AGAP1: variants seen among roughly 807,000 people sequenced by gnomAD.
The protein encoded by AGAP1 is ArfGAP with GTPase domain, ankyrin repeat and PH domain 1, also known as arf-GAP with GTPase, ANK repeat and PH domain-containing protein 1.
A neutral mutation model predicts 105.3 loss-of-function variants in AGAP1; 29 were observed. The ratio of observed to expected loss-of-function variants is 0.28; its 90% CI spans 0.21 to 0.38. The LOEUF is 0.38. Among genes scored for constraint, AGAP1 ranks in the 10% least tolerant of loss-of-function variants. The pLI, the probability that AGAP1 is intolerant of heterozygous loss-of-function variation, is 1.00. For missense variants in AGAP1, 998 were observed against 1,165.1 expected (o/e 0.86, Z 2.09); for synonymous variants, 509 against 485.9 (o/e 1.05, Z -0.63).
chr2:235,688,400 C>G (rs1949570803), intron 1 of AGAP1, among the ~76,000 whole-genome samples: 1 of 152,076 alleles, frequency 6.6e-6, no homozygotes, highest in South Asian at 2.1e-4. Flanking sequence ...TTTTTTCATT[C>G]TCTCTGGAAG....
In AGAP1 at chr2:236,035,020, C is replaced by T. The variant is rs948677272; in HGVS notation, c.1646-1541C>T. Among the ~76,000 whole-genome samples, 4 of 152,236 alleles carry T rather than the reference C, an allele frequency of 2.6e-5. No individual in the cohort carries two copies. Among genetic ancestry groups the T allele is most frequent in the South Asian group, 2.1e-4 (1 of 4,830 alleles). On this transcript the variant is annotated intron_variant, in intron 13 of 17. Coordinates refer to ENST00000304032, the MANE Select transcript of AGAP1 (RefSeq NM_001037131.3). The surrounding 1 kb of genome is among the most constrained non-coding windows in gnomAD (Gnocchi z 4.2). ...TGGGGAAAGGGTGAGTGGGGTGGCA[C>T]GTCCTCACGTCCCAGGCTGCAGGCG...
In AGAP1 at chr2:235,983,121, T is replaced by C. The variant is rs1288644815; in HGVS notation, c.1645+14498T>C. Among the ~76,000 whole-genome samples the C allele has an allele frequency of 6.6e-6, 1 of 152,148 alleles. No homozygotes were observed. Among genetic ancestry groups the C allele is most frequent in the Non-Finnish European group, 1.5e-5 (1 of 68,028 alleles). ...CCATTTGCTGAGCAGGAAGCTGGCC[T>C]CAGGGGTCTCCCAGGATGCTGGGGC... is the stretch of plus-strand genomic sequence containing the variant. On this transcript the variant is annotated intron_variant, in intron 13 of 17. Transcript: ENST00000304032. The surrounding 1 kb of genome is among the most constrained non-coding windows in gnomAD (Gnocchi z 4.5).
Position 236,040,770 on chromosome 2 carries a change from G to A in AGAP1, c.1820G>A (p.Ser607Asn), listed in dbSNP as rs1186034056. The stretch of plus-strand genomic sequence containing the variant: ...GCCCAGTCCCGGCTGACGAGCCAGA[G>A]CGAGGCCATGGCCCTGCAGTCGATC... Reference protein sequence around the residue: ...SKNKSRLTSQSEAMALQSIRN... With the variant: ...SKNKSRLTSQNEAMALQSIRN... The change falls in exon 15 of 18, where the codon AGC becomes AAC. Residue 607 changes from serine to asparagine, a missense_variant. By Grantham distance (46) the Ser-to-Asn change is conservative. Coordinates refer to ENST00000304032, the MANE Select transcript of AGAP1 (RefSeq NM_001037131.3). The surrounding 1 kb of genome is among the most constrained non-coding windows in gnomAD (Gnocchi z 5.6). 3.1e-6 allele frequency: 5 copies of A among 1,613,548 alleles called. No homozygotes were observed. Among genetic ancestry groups the A allele is most frequent in the Non-Finnish European group, 3.4e-6 (4 of 1,180,028 alleles).
In AGAP1 at chr2:235,550,379, C is replaced by T. The variant is rs1452310285; in HGVS notation, c.163+55530C>T. The stretch of plus-strand genomic sequence containing the variant: ...CTCTTCATAAAATCACTGCCAGTGA[C>T]TTCTCATAGCTGTTCGTCATTGGGA... On this transcript the variant is annotated intron_variant, in intron 1 of 17. Coordinates refer to ENST00000304032, the MANE Select transcript of AGAP1 (RefSeq NM_001037131.3). This position sits in a 1 kb window ranked among gnomAD's most constrained non-coding sequence, Gnocchi z 4.6. 1.3e-5 allele frequency among the ~76,000 whole-genome samples: 2 copies of T among 152,238 alleles called. No individual in the cohort carries two copies. Among genetic ancestry groups the T allele is most frequent in the African/African-American group, 4.8e-5 (2 of 41,462 alleles).
In AGAP1 at chr2:236,125,347, G is replaced by T. The variant is rs1187823283; in HGVS notation, c.*1225G>T. On this transcript the variant is annotated 3_prime_UTR_variant, in exon 18 of 18. Coordinates refer to ENST00000304032, the MANE Select transcript of AGAP1 (RefSeq NM_001037131.3). This position sits in a 1 kb window ranked among gnomAD's most constrained non-coding sequence, Gnocchi z 5.2. ...ATGTGCAACTAGTTGAGATAAGAGG[G>T]TTACAGATCATTGTACATGGAAAAT... The T allele has an allele frequency of 2.0e-5, 3 of 152,598 alleles. No homozygotes were observed. In the East Asian group the frequency reaches 5.8e-4, roughly 29 times the overall value. The allele number at this position is 152,598 out of a possible 1,614,324, so 9.5% of individuals were successfully genotyped here.
rs899219390 is a variant in AGAP1 at position 235,689,713 on chromosome 2, G to A, written c.164-19466G>A. 6.6e-5 allele frequency among the ~76,000 whole-genome samples: 10 copies of A among 152,216 alleles called. No homozygotes were observed. The highest frequency in any genetic ancestry group is 2.4e-4 in the African/African-American group (10 of 41,460). The stretch of plus-strand genomic sequence containing the variant: ...ACTCATTTGAGAGTTCCACTTTTCA[G>A]GACAGTCATAGAGCTGCACTGTTGG... On this transcript the variant is annotated intron_variant, in intron 1 of 17. Coordinates refer to ENST00000304032, the MANE Select transcript of AGAP1 (RefSeq NM_001037131.3). This position sits in a 1 kb window ranked among gnomAD's most constrained non-coding sequence, Gnocchi z 4.2.
intron 1 of AGAP1, among the ~76,000 whole-genome samples, chr2:235,544,397 TC>T (rs1157669674): frequency 6.6e-6 from 1 of 152,190 alleles, no homozygotes; most frequent in Non-Finnish European, 1.5e-5. Context: ...TGTAGGAGTT[TC>T]CTACCATGTA....
chr2:235,775,525 TTGCTC>T (rs1237655014), intron 6 of AGAP1: 12 of 152,236 alleles, frequency 7.9e-5, no homozygotes, highest in Admixed American at 7.8e-4. Context: ...TAAATGTACT[TTGCTC>T]TGTTATTGTC....
At chr2:235,942,098 CTCA>C (rs1353310165) in intron 12 of AGAP1, among the ~76,000 whole-genome samples, 1 of 152,162 alleles carries the variant, frequency 6.6e-6, no homozygotes, top group Non-Finnish European at 1.5e-5. Flanking sequence ...CATGACTGCT[CTCA>C]TCATTTCCTA....
intron 16 of AGAP1, among the ~76,000 whole-genome samples, chr2:236,112,122 A>G (rs2059661181): frequency 6.6e-6 from 1 of 152,124 alleles, no homozygotes; most frequent in Admixed American, 6.5e-5. Flanking sequence ...ATTGAAATAA[A>G]AGCTCTCTGG....
rs566768637 is a variant in AGAP1 at position 236,009,295 on chromosome 2, C to T, written c.1646-27266C>T. On this transcript the variant is annotated intron_variant, in intron 13 of 17. Coordinates refer to ENST00000304032, the MANE Select transcript of AGAP1 (RefSeq NM_001037131.3). The surrounding 1 kb of genome is among the most constrained non-coding windows in gnomAD (Gnocchi z 4.2). The stretch of plus-strand genomic sequence containing the variant: ...CCAATCTCTAACCTCACAATGAAAT[C>T]GCCACGGACAAAAGATCACGGGATA... Among the ~76,000 whole-genome samples, 63 of 152,172 alleles carry T rather than the reference C, an allele frequency of 4.1e-4. No homozygotes were observed. Among genetic ancestry groups the T allele is most frequent in the Non-Finnish European group, 8.1e-4 (55 of 68,044 alleles).
chr2:235,793,955 TTTA>T lies in AGAP1; in HGVS notation c.674-3798_674-3796del, dbSNP rs1309479766. Among the ~76,000 whole-genome samples, 1 of 152,218 alleles carries T rather than the reference TTTA, an allele frequency of 6.6e-6. No individual in the cohort carries two copies. The highest frequency in any genetic ancestry group is 2.4e-5 in the African/African-American group (1 of 41,450). Reference sequence around the variant, plus strand: ...TTTTGTTAAGTTCTTAAACTTTTTTTTTATTATTGAAGAATGGAAACATACATG... The same window carrying T: ...TTTTGTTAAGTTCTTAAACTTTTTTTTTATTGAAGAATGGAAACATACATG... On this transcript the variant is annotated intron_variant, in intron 6 of 17. Transcript: ENST00000304032. The surrounding 1 kb of genome is among the most constrained non-coding windows in gnomAD (Gnocchi z 5.3).
intron 1 of AGAP1, among the ~76,000 whole-genome samples, chr2:235,673,633 A>G (rs1249527825): frequency 6.6e-6 from 1 of 152,232 alleles, no homozygotes; most frequent in Non-Finnish European, 1.5e-5. Flanking sequence ...GCCATTTATG[A>G]AAAGAAGTTC....
intron 9 of AGAP1, among the ~76,000 whole-genome samples, chr2:235,881,343 G>A (rs1189491931): frequency 2.0e-5 from 3 of 152,308 alleles, no homozygotes; most frequent in South Asian, 2.1e-4. Context: ...AAGGTGACTC[G>A]TGGGGCATCT....
In AGAP1 at chr2:236,058,459, A is replaced by G. The variant is rs540037944; in HGVS notation, c.2114+9178A>G. 6.6e-6 allele frequency among the ~76,000 whole-genome samples: 1 copy of G among 152,246 alleles called. No homozygotes were observed. Among genetic ancestry groups the G allele is most frequent in the Non-Finnish European group, 1.5e-5 (1 of 68,046 alleles). On this transcript the variant is annotated intron_variant, in intron 16 of 17. Transcript: ENST00000304032. The surrounding 1 kb of genome is among the most constrained non-coding windows in gnomAD (Gnocchi z 4.6). ...TCAATGTGATATACCACATTAATACAGTAAAGAGAGAAGAAAACATAATCT... is the reference window on the plus strand; with the variant it reads ...TCAATGTGATATACCACATTAATACGGTAAAGAGAGAAGAAAACATAATCT...
intron 12 of AGAP1, among the ~76,000 whole-genome samples, chr2:235,940,052 A>C (rs1031504604): frequency 6.6e-6 from 1 of 152,174 alleles, no homozygotes; most frequent in Non-Finnish European, 1.5e-5. Flanking sequence ...GCTTTCATCC[A>C]GAGCGTCTGT....
chr2:235,670,174 A>G (rs1245049771), intron 1 of AGAP1: 2 of 584,042 alleles, frequency 3.4e-6, no homozygotes, highest in Admixed American at 2.6e-5. Context: ...CGCCCCCCAG[A>G]AAGACTGTCT....
In AGAP1 at chr2:236,001,976, A is replaced by T. The variant is rs977258289; in HGVS notation, c.1645+33353A>T. On this transcript the variant is annotated intron_variant, in intron 13 of 17. Coordinates refer to ENST00000304032, the MANE Select transcript of AGAP1 (RefSeq NM_001037131.3). The surrounding 1 kb of genome is among the most constrained non-coding windows in gnomAD (Gnocchi z 4.7). The stretch of plus-strand genomic sequence containing the variant: ...CCTGTGGACATCTCTGCCTGATTGG[A>T]AGCTTGCGTTGCACATTCAGCCCAC... Among the ~76,000 whole-genome samples, 6 of 152,194 alleles carry T rather than the reference A, an allele frequency of 3.9e-5. No homozygotes were observed. The highest frequency in any genetic ancestry group is 1.4e-4 in the African/African-American group (6 of 41,462).
rs915764215 is a variant in AGAP1, at chr2:235,705,014, T to C, written c.164-4165T>C. Among the ~76,000 whole-genome samples, 4 of 129,036 alleles carry C rather than the reference T, an allele frequency of 3.1e-5. No homozygotes were observed. The highest frequency in any genetic ancestry group is 8.7e-5 in the Admixed American group (1 of 11,458). 84.7% of individuals were successfully genotyped at this position (129,036 alleles called of 152,430 possible). A position where few individuals can be genotyped will look rare whatever the true frequency, so the allele number is the denominator to read the frequency against. ...TTTTTTTTGCGACAGAGTCTCACTCTGTTGCCCAGGCTGGAGTGCAATGGT... is the reference window on the plus strand; with the variant it reads ...TTTTTTTTGCGACAGAGTCTCACTCCGTTGCCCAGGCTGGAGTGCAATGGT... On this transcript the variant is annotated intron_variant, in intron 1 of 17. Coordinates refer to ENST00000304032, the MANE Select transcript of AGAP1 (RefSeq NM_001037131.3). This position sits in a 1 kb window ranked among gnomAD's most constrained non-coding sequence, Gnocchi z 4.9.
Sources: gnomAD v4.1 joint callset for allele counts (sites outside exome capture counted in the v4.1 genomes callset) on GRCh38, gnomAD v4.1.1 for gene constraint, Gnocchi (gnomAD v3.1) non-coding constraint, MANE v1.5 for transcripts, NCBI Gene and HGNC (gene_info 2026-07-23, HGNC 2026-07-21) for gene names.